PDE4D: variants seen among roughly 807,000 people sequenced by gnomAD.
PDE4D encodes the protein phosphodiesterase 4D, also known as 3',5'-cyclic-AMP phosphodiesterase 4D.
In PDE4D, 24 loss-of-function variants were observed where a neutral mutation model predicts 87.4. That is an observed-to-expected ratio of 0.27 (90% CI 0.20 to 0.39). The LOEUF is 0.39. Ranked by LOEUF, PDE4D falls within the 10% of genes least tolerant of loss-of-function variation. The pLI, the probability that PDE4D is intolerant of heterozygous loss-of-function variation, is 1.00. For missense variants in PDE4D, 714 were observed against 1,041.0 expected (o/e 0.69, Z 4.32); for synonymous variants, 384 against 383.2 (o/e 1.00, Z -0.02).
At chr5:58,980,581 A>G (rs1458981256) in intron 11 of PDE4D, among the ~76,000 whole-genome samples, 2 of 152,136 alleles carry the variant, frequency 1.3e-5, no homozygotes, top group Non-Finnish European at 2.9e-5. Flanking sequence ...ATTTGTTACA[A>G]CTACCCTGGA....
At chr5:60,117,713 T>A (rs1778292924) in intron 2 of PDE4D, among the ~76,000 whole-genome samples, 1 of 152,014 alleles carries the variant, frequency 6.6e-6, no homozygotes, top group African/African-American at 2.4e-5. Context: ...CCTTTCCTTT[T>A]CTCACCATAC....
intron 1 of PDE4D, among the ~76,000 whole-genome samples, chr5:59,632,882 G>A (rs903865741): frequency 1.3e-5 from 2 of 152,174 alleles, no homozygotes; most frequent in African/African-American, 4.8e-5. Flanking sequence ...GACAGAAAAT[G>A]AGTTAGATCA....
chr5:59,823,221 C>T (rs1218363245), intron 1 of PDE4D, among the ~76,000 whole-genome samples: 1 of 152,200 alleles, frequency 6.6e-6, no homozygotes, highest in Non-Finnish European at 1.5e-5. Flanking sequence ...TAAAATCAAA[C>T]TCATGTCCCT....
intron 1 of PDE4D, among the ~76,000 whole-genome samples, chr5:59,395,398 C>A (rs1789191114): frequency 6.6e-6 from 1 of 152,216 alleles, no homozygotes. Flanking sequence ...TGAGAACTGG[C>A]AGACTGCCTC....
At chr5:59,390,268 A>C (rs1429915774) in intron 1 of PDE4D, among the ~76,000 whole-genome samples, 1 of 152,154 alleles carries the variant, frequency 6.6e-6, no homozygotes, top group South Asian at 2.1e-4. Context: ...CTAATTTTGG[A>C]TATACTATTT....
At position 60,345,942 on chromosome 5, in the gene PDE4D, A is replaced by G. The variant is rs543617079; in HGVS notation, c.-90+142000T>C. Reference sequence around the variant, plus strand: ...GATAAAATCACTGAAGCATTTCTAAAATATGTTCATAGTCTCTTAACAAAC... The same window carrying G: ...GATAAAATCACTGAAGCATTTCTAAGATATGTTCATAGTCTCTTAACAAAC... On this transcript the variant is annotated intron_variant, in intron 1 of 16. Coordinates refer to the PDE4D transcript ENST00000502484. Among the ~76,000 whole-genome samples the G allele has an allele frequency of 3.3e-5, 5 of 152,234 alleles. No homozygotes were observed. The East Asian group carries it at 9.6e-4, about 29-fold the overall frequency.
intron 1 of PDE4D, among the ~76,000 whole-genome samples, chr5:59,270,728 C>T (rs557247349): frequency 1.1e-4 from 17 of 152,140 alleles, no homozygotes; most frequent in Non-Finnish European, 2.4e-4. Context: ...TGTAATGCAT[C>T]TAGAAATATT....
chr5:60,074,887 T>C (rs1238790148), intron 2 of PDE4D, among the ~76,000 whole-genome samples: 1 of 152,202 alleles, frequency 6.6e-6, no homozygotes, highest in Non-Finnish European at 1.5e-5. Flanking sequence ...ATTTTGAGCC[T>C]ATGGGTGTCA....
At chr5:59,361,272 T>C (rs1451856144) in intron 1 of PDE4D, among the ~76,000 whole-genome samples, 1 of 152,174 alleles carries the variant, frequency 6.6e-6, no homozygotes, top group East Asian at 1.9e-4. Flanking sequence ...TCCTAAGAGA[T>C]TTTTCTAACT....
intron 1 of PDE4D, among the ~76,000 whole-genome samples, chr5:59,866,565 C>T (rs1201909836): frequency 6.6e-6 from 1 of 152,320 alleles, no homozygotes; most frequent in African/African-American, 2.4e-5. Flanking sequence ...AGGAGGATCA[C>T]TTGAGCCCAG....
rs1196480467 is a variant in PDE4D, at chr5:59,392,262, G to A, written c.456-176294C>T. Among the ~76,000 whole-genome samples the A allele has an allele frequency of 2.6e-5, 4 of 151,896 alleles. No individual in the cohort carries two copies. In the East Asian group the frequency reaches 7.8e-4, roughly 29 times the overall value. On this transcript the variant is annotated intron_variant, in intron 1 of 14. Transcript: ENST00000340635. Reference sequence around the variant, plus strand: ...GTGGGCACAATCTAATTAGCTGCCAGCGCTGCTAGAATATAAGCAGGCAGA... The same window carrying A: ...GTGGGCACAATCTAATTAGCTGCCAACGCTGCTAGAATATAAGCAGGCAGA...
chr5:59,465,298 C>T (rs996176144), intron 1 of PDE4D, among the ~76,000 whole-genome samples: 5 of 152,084 alleles, frequency 3.3e-5, no homozygotes, highest in Non-Finnish European at 5.9e-5. Flanking sequence ...CTTCTCCTAC[C>T]ACCATCACCA....
At chr5:59,040,815 C>T (rs1030501621) in intron 5 of PDE4D, among the ~76,000 whole-genome samples, 3 of 152,216 alleles carry the variant, frequency 2.0e-5, no homozygotes, top group Admixed American at 1.3e-4. Flanking sequence ...AGAAGAAATT[C>T]TGCCCTTGAA....
Position 59,193,636 on chromosome 5 carries a change from A to G in PDE4D, c.648-100T>C, listed in dbSNP as rs186285843. The G allele has an allele frequency of 1.2e-3, 1,799 of 1,538,032 alleles. 18 individuals carry two copies. In the African/African-American group the frequency reaches 0.024, roughly 20 times the overall value. ...AAGTTCCACTTTCATGAGTTCCCAT[A>G]GAGAATTACAGTGATTCCATCCTTA... is the stretch of plus-strand genomic sequence containing the variant. On this transcript the variant is annotated intron_variant, in intron 2 of 14. Transcript: ENST00000340635.
intron 1 of PDE4D, among the ~76,000 whole-genome samples, chr5:59,602,569 T>C (rs1429791508): frequency 6.6e-6 from 1 of 152,034 alleles, no homozygotes; most frequent in African/African-American, 2.4e-5. Context: ...TGTTCATAGA[T>C]TGGAGGAATT....
At chr5:59,424,617 A>G (rs768472123) in intron 1 of PDE4D, among the ~76,000 whole-genome samples, 2 of 152,094 alleles carry the variant, frequency 1.3e-5, no homozygotes, top group African/African-American at 4.8e-5. Context: ...TTATAAAACC[A>G]TCAGATTTCA....
intron 6 of PDE4D, among the ~76,000 whole-genome samples, chr5:59,037,122 C>G (rs1422577307): frequency 1.3e-5 from 2 of 152,130 alleles, no homozygotes; most frequent in African/African-American, 4.8e-5. Context: ...TCCTTGACAG[C>G]TGAAGTCATT....
At chr5:60,068,684 C>T (rs1216279425) in intron 2 of PDE4D, among the ~76,000 whole-genome samples, 2 of 152,148 alleles carry the variant, frequency 1.3e-5, no homozygotes, top group Non-Finnish European at 2.9e-5. Flanking sequence ...ACCTCTGGCA[C>T]CTCCCAGGTG....
chr5:59,438,517 T>C (rs1407535276), intron 1 of PDE4D, among the ~76,000 whole-genome samples: 1 of 152,192 alleles, frequency 6.6e-6, no homozygotes, highest in Non-Finnish European at 1.5e-5. Context: ...TTTGTCGAGT[T>C]TTTAAACTAG....
Sources: gnomAD v4.1 joint callset for allele counts (sites outside exome capture counted in the v4.1 genomes callset) on GRCh38, gnomAD v4.1.1 for gene constraint, MANE v1.5 for transcripts, NCBI Gene and HGNC (gene_info 2026-07-23, HGNC 2026-07-21) for gene names.